The following RBMS3 variants were observed in gnomAD, a reference collection of about 807,000 sequenced individuals.
RBMS3 encodes the protein RNA binding motif single stranded interacting protein 3.
A neutral mutation model predicts 66.8 loss-of-function variants in RBMS3; 27 were observed. That is an observed-to-expected ratio of 0.40 (90% CI 0.30 to 0.56). RBMS3 has a LOEUF of 0.56. Among genes scored for constraint, RBMS3 ranks in the 20% least tolerant of loss-of-function variants. The pLI, the probability that RBMS3 is intolerant of heterozygous loss-of-function variation, is 0.40. For synonymous variants in RBMS3, 188 were observed against 183.0 expected, an observed-to-expected ratio of 1.03 and a Z score of -0.22; for missense variants, 513 against 549.5, an observed-to-expected ratio of 0.93 and a Z score of 0.66.
Position 29,991,206 on chromosome 3 carries a change from CTAAG to C in RBMS3, c.1307+3_1307+6del. On this transcript the variant is annotated splice_donor_variant and coding_sequence_variant, in exon 14 of 15. Coordinates refer to ENST00000383767, the MANE Select transcript of RBMS3 (RefSeq NM_001003793.3). LOFTEE classifies it high-confidence loss of function. ...GCACCTGCATATTCTTACCAACAGT[CTAAG>C]TAAGTCTGGGCTGTGCTAAGCTCTT... 6.2e-7 allele frequency: 1 copy of C among 1,614,116 alleles called. No individual in the cohort carries two copies. Among genetic ancestry groups the C allele is most frequent in the South Asian group, 1.1e-5 (1 of 91,064 alleles).
At chr3:29,967,050 A>C (rs573841597) in intron 12 of RBMS3, among the ~76,000 whole-genome samples, 49 of 152,236 alleles carry the variant, frequency 3.2e-4, no homozygotes, top group African/African-American at 1.2e-3. Flanking sequence ...CCACTTGATC[A>C]TGGTGGATTA....
At chr3:29,413,372 TCATACATA>T (rs10530714) in intron 1 of RBMS3, among the ~76,000 whole-genome samples, 3,094 of 109,920 alleles carry the variant, frequency 0.028, 78 homozygotes, top group African/African-American at 0.085. Flanking sequence ...TCCATCTCAT[TCATACATA>T]CATACATACA....
intron 1 of RBMS3, among the ~76,000 whole-genome samples, chr3:29,426,865 G>A (rs2040979921): frequency 1.7e-5 from 2 of 117,494 alleles, no homozygotes; most frequent in Non-Finnish European, 3.9e-5. Context: ...CTGAATATTG[G>A]CTCTGTGCCA....
chr3:29,950,752 C>T (rs1695630711), intron 12 of RBMS3, among the ~76,000 whole-genome samples: 1 of 151,810 alleles, frequency 6.6e-6, no homozygotes, highest in Non-Finnish European at 1.5e-5. Context: ...CTTTGAGAAG[C>T]AATATATTAC....
chr3:29,714,387 A>G (rs933848887), intron 4 of RBMS3, among the ~76,000 whole-genome samples: 2 of 152,246 alleles, frequency 1.3e-5, no homozygotes, highest in African/African-American at 4.8e-5. Flanking sequence ...TTTATAAGAC[A>G]GACCGGCTGG....
Position 29,967,188 on chromosome 3 carries a change from C to T in RBMS3, c.1099-20955C>T, listed in dbSNP as rs531199525. 1.7e-4 allele frequency among the ~76,000 whole-genome samples: 26 copies of T among 152,156 alleles called. No individual in the cohort carries two copies. In the South Asian group the frequency reaches 3.9e-3, roughly 23 times the overall value. Reference sequence around the variant, plus strand: ...TGTCCTTTCCTGGTTTTGGTATTAGCGGGTGATGCTGTCTTCATGGAATGA... The same window carrying T: ...TGTCCTTTCCTGGTTTTGGTATTAGTGGGTGATGCTGTCTTCATGGAATGA... On this transcript the variant is annotated intron_variant, in intron 12 of 14. Coordinates refer to ENST00000383767, the MANE Select transcript of RBMS3 (RefSeq NM_001003793.3).
chr3:29,398,474 T>C (rs535388234), intron 1 of RBMS3, among the ~76,000 whole-genome samples: 1 of 152,274 alleles, frequency 6.6e-6, no homozygotes, highest in Admixed American at 6.5e-5. Context: ...GTGCCAGCTA[T>C]TGGAGTAAAT....
At chr3:29,610,928 G>GA (rs892338326) in intron 4 of RBMS3, among the ~76,000 whole-genome samples, 86 of 149,188 alleles carry the variant, frequency 5.8e-4, no homozygotes, top group Admixed American at 1.6e-3. Context: ...TTCCTTAAGG[G>GA]AAAAAAAAAA....
At chr3:29,794,182 G>A (rs1331963394) in intron 6 of RBMS3, among the ~76,000 whole-genome samples, 1 of 152,100 alleles carries the variant, frequency 6.6e-6, no homozygotes, top group Non-Finnish European at 1.5e-5. Flanking sequence ...TTACAGTAAT[G>A]CATAAACAAC....
At chr3:29,500,676 C>A (rs892911386) in intron 3 of RBMS3, among the ~76,000 whole-genome samples, 1 of 151,842 alleles carries the variant, frequency 6.6e-6, no homozygotes, top group African/African-American at 2.4e-5. Context: ...TATGCTATAC[C>A]ATACAGCCTA....
Position 30,009,972 on chromosome 3 carries a change from A to G in RBMS3, c.*6110A>G, listed in dbSNP as rs1699916352. On this transcript the variant is annotated 3_prime_UTR_variant, in exon 15 of 15. Transcript: ENST00000383767. Reference sequence around the variant, plus strand: ...TTTGAAAAAGTTTTCTCTATTCTGGACACAAATGCTTCCATTTATTTCAAA... The same window carrying G: ...TTTGAAAAAGTTTTCTCTATTCTGGGCACAAATGCTTCCATTTATTTCAAA... 6.6e-6 allele frequency: 1 copy of G among 152,090 alleles called. No homozygotes were observed. The highest frequency in any genetic ancestry group is 1.5e-5 in the Non-Finnish European group (1 of 67,996). The allele number at this position is 152,090 out of a possible 1,614,324, so 9.4% of individuals were successfully genotyped here.
At chr3:29,340,544 T>C (rs923201578) in intron 1 of RBMS3, among the ~76,000 whole-genome samples, 2 of 152,176 alleles carry the variant, frequency 1.3e-5, no homozygotes, top group Admixed American at 1.3e-4. Context: ...CATCATATTC[T>C]TTATAGCGTC....
At chr3:29,440,786 C>T (rs1018647741) in intron 2 of RBMS3, among the ~76,000 whole-genome samples, 2 of 152,186 alleles carry the variant, frequency 1.3e-5, no homozygotes, top group African/African-American at 4.8e-5. Flanking sequence ...GACTCAAGTG[C>T]CATCCAGGCT....
chr3:29,525,070 A>G (rs1305418863), intron 3 of RBMS3, among the ~76,000 whole-genome samples: 1 of 152,104 alleles, frequency 6.6e-6, no homozygotes, highest in African/African-American at 2.4e-5. Flanking sequence ...AAGAGAAAAA[A>G]GACCTCTTCA....
At chr3:29,726,940 G>T (rs776873460) in intron 4 of RBMS3, among the ~76,000 whole-genome samples, 11 of 152,118 alleles carry the variant, frequency 7.2e-5, no homozygotes, top group Non-Finnish European at 1.5e-4. Context: ...GAAGCTGGAG[G>T]CATCACAATA....
intron 3 of RBMS3, among the ~76,000 whole-genome samples, chr3:29,515,654 G>A (rs2044592997): frequency 1.3e-5 from 2 of 152,196 alleles, no homozygotes; most frequent in African/African-American, 4.8e-5. Context: ...GAGACTGAAG[G>A]TAAGCAATCC....
At chr3:29,995,309 G>A (rs374298808) in intron 14 of RBMS3, among the ~76,000 whole-genome samples, 60 of 152,266 alleles carry the variant, frequency 3.9e-4, no homozygotes, top group Non-Finnish European at 7.3e-4. Flanking sequence ...GAAAGTGATG[G>A]GGAGAATGGA....
intron 1 of RBMS3, among the ~76,000 whole-genome samples, chr3:29,306,029 G>T (rs991069256): frequency 1.3e-5 from 2 of 151,940 alleles, no homozygotes; most frequent in African/African-American, 4.8e-5. Flanking sequence ...TGGCACATGT[G>T]TCTTCACACT....
At chr3:29,696,979 T>C in intron 4 of RBMS3, 1 of 985,030 alleles carries the variant, frequency 1.0e-6, no homozygotes, top group Non-Finnish European at 1.2e-6. Context: ...CCCCTAGTAG[T>C]TGTGATTTCT....
Sources: allele counts gnomAD v4.1 joint callset (sites outside exome capture counted in the v4.1 genomes callset), GRCh38; gene constraint gnomAD v4.1.1; transcripts MANE v1.5; gene names NCBI Gene and HGNC (gene_info 2026-07-23, HGNC 2026-07-21).